The following LSAMP variants were observed in gnomAD, a reference collection of about 807,000 sequenced individuals.
LSAMP encodes limbic system-associated membrane protein.
Under a neutral mutation model 38.6 loss-of-function variants are expected in LSAMP, and 7 were observed. That is an observed-to-expected ratio of 0.18 (90% CI 0.10 to 0.34). The LOEUF (loss-of-function observed/expected upper bound fraction) is 0.34. Ranked by LOEUF, LSAMP falls within the 10% of genes least tolerant of loss-of-function variation. The pLI is 1.00. For missense variants in LSAMP, 313 were observed against 420.0 expected (o/e 0.75, Z 2.23); for synonymous variants, 154 against 166.8 (o/e 0.92, Z 0.59).
At chr3:116,437,171 A>G (rs796203469) in intron 1 of LSAMP, among the ~76,000 whole-genome samples, 9 of 152,102 alleles carry the variant, frequency 5.9e-5, no homozygotes, top group African/African-American at 2.2e-4. Context: ...ATGTAAAACC[A>G]AACATCATAT....
At chr3:116,249,374 T>C (rs2046648589) in intron 1 of LSAMP, among the ~76,000 whole-genome samples, 1 of 132,444 alleles carries the variant, frequency 7.6e-6, no homozygotes, top group Non-Finnish European at 1.6e-5. Flanking sequence ...CTTTGGAGAC[T>C]AGTAGAAGAT....
chr3:116,001,985 G>A (rs78948822), intron 3 of LSAMP, among the ~76,000 whole-genome samples: 1,527 of 152,148 alleles, frequency 0.01, 28 homozygotes, highest in African/African-American at 0.035. Context: ...TCCTCTTAAC[G>A]AACTTTTCAT....
intron 3 of LSAMP, among the ~76,000 whole-genome samples, chr3:115,879,574 A>G (rs1936270366): frequency 6.6e-6 from 1 of 152,212 alleles, no homozygotes; most frequent in Admixed American, 6.5e-5. Context: ...ACATATCATT[A>G]GTGCCTATAA....
chr3:116,228,073 T>C (rs2107624133), intron 1 of LSAMP, among the ~76,000 whole-genome samples: 1 of 152,216 alleles, frequency 6.6e-6, no homozygotes, highest in East Asian at 1.9e-4. Flanking sequence ...CTTTGCCTTC[T>C]AATGGGAGAG....
intron 1 of LSAMP, among the ~76,000 whole-genome samples, chr3:116,095,723 C>T (rs1256315639): frequency 2.0e-5 from 3 of 152,168 alleles, no homozygotes; most frequent in Admixed American, 1.3e-4. Context: ...ATCCCAGGAA[C>T]ATTTATTAGT....
intron 1 of LSAMP, among the ~76,000 whole-genome samples, chr3:116,176,842 T>C (rs970933463): frequency 2.0e-5 from 3 of 152,164 alleles, no homozygotes; most frequent in African/African-American, 4.8e-5. Context: ...GAGCATTAAA[T>C]AAAATGAGAA....
chr3:116,050,707 T>C (rs1209433348), intron 2 of LSAMP, among the ~76,000 whole-genome samples: 3 of 152,272 alleles, frequency 2.0e-5, no homozygotes, highest in East Asian at 1.9e-4. Context: ...AATAAAAGGT[T>C]TGGAGTCAGC....
At chr3:116,094,872 C>G (rs1249995257) in intron 1 of LSAMP, among the ~76,000 whole-genome samples, 1 of 152,184 alleles carries the variant, frequency 6.6e-6, no homozygotes, top group Non-Finnish European at 1.5e-5. Flanking sequence ...ACCTGTTCAA[C>G]CTCTTAGAAC....
chr3:115,940,778 A>G (rs78432697), intron 3 of LSAMP, among the ~76,000 whole-genome samples: 3,608 of 152,242 alleles, frequency 0.024, 72 homozygotes, highest in Non-Finnish European at 0.036. Flanking sequence ...GTCTGCTTTC[A>G]TGCCAGTATT....
chr3:116,233,206 G>T (rs1408769541), intron 1 of LSAMP, among the ~76,000 whole-genome samples: 1 of 151,920 alleles, frequency 6.6e-6, no homozygotes, highest in Admixed American at 6.6e-5. Flanking sequence ...AAGGTCAGGA[G>T]ATCGAGACCA....
chr3:116,209,899 C>T lies in LSAMP; in HGVS notation c.156-123343G>A, dbSNP rs191418130. Among the ~76,000 whole-genome samples the T allele has an allele frequency of 7.2e-4, 110 of 152,096 alleles. No individual in the cohort carries two copies. In the East Asian group the frequency reaches 0.017, roughly 24 times the overall value. ...CCGAGTAGCTGGGACTACAGGCATC[C>T]GCCACCTCGCCCGGCAAAATTTTTT... is the stretch of plus-strand genomic sequence containing the variant. On this transcript the variant is annotated intron_variant, in intron 1 of 6. Coordinates refer to ENST00000490035, the MANE Select transcript of LSAMP (RefSeq NM_002338.5).
At chr3:116,047,651 G>C (rs895988335) in intron 2 of LSAMP, among the ~76,000 whole-genome samples, 1 of 152,048 alleles carries the variant, frequency 6.6e-6, no homozygotes, top group African/African-American at 2.4e-5. Flanking sequence ...TTCCTCCTCA[G>C]TGAAATCTTC....
chr3:115,888,651 T>C (rs531081017), intron 3 of LSAMP, among the ~76,000 whole-genome samples: 7 of 152,082 alleles, frequency 4.6e-5, no homozygotes, highest in Admixed American at 1.3e-4. Context: ...TCCACACTTA[T>C]TGCTTGGTCT....
chr3:116,150,963 G>T (rs1179406287), intron 1 of LSAMP, among the ~76,000 whole-genome samples: 1 of 151,934 alleles, frequency 6.6e-6, no homozygotes, highest in African/African-American at 2.4e-5. Flanking sequence ...TTCCCAGGTG[G>T]TGCCTTACTG....
intron 3 of LSAMP, among the ~76,000 whole-genome samples, chr3:115,853,306 C>T (rs1402043762): frequency 9.2e-5 from 14 of 152,178 alleles, no homozygotes; most frequent in Non-Finnish European, 4.4e-5. Context: ...CTACATCATC[C>T]TAGAGGCTTT....
chr3:115,922,590 T>G (rs1937407958), intron 3 of LSAMP, among the ~76,000 whole-genome samples: 1 of 152,198 alleles, frequency 6.6e-6, no homozygotes, highest in Admixed American at 6.5e-5. Flanking sequence ...GTTTCTTTCC[T>G]TGGGCCATGT....
intron 2 of LSAMP, among the ~76,000 whole-genome samples, chr3:116,057,042 A>G (rs994420777): frequency 2.0e-5 from 3 of 152,160 alleles, no homozygotes; most frequent in African/African-American, 7.2e-5. Context: ...TATATCATTT[A>G]CCCAAAGCCT....
At chr3:116,416,596 G>A (rs2049053898) in intron 1 of LSAMP, among the ~76,000 whole-genome samples, 1 of 152,112 alleles carries the variant, frequency 6.6e-6, no homozygotes, top group Admixed American at 6.6e-5. Flanking sequence ...CTTTTGGAAT[G>A]CTCCTTTCCT....
chr3:116,221,127 T>C (rs1457260640), intron 1 of LSAMP, among the ~76,000 whole-genome samples: 4 of 111,588 alleles, frequency 3.6e-5, no homozygotes, highest in Non-Finnish European at 6.6e-5. Flanking sequence ...CTCCAGCCTG[T>C]GTGACAGAGC....
Sources: allele counts gnomAD v4.1 joint callset (sites outside exome capture counted in the v4.1 genomes callset), GRCh38; gene constraint gnomAD v4.1.1; transcripts MANE v1.5; gene names NCBI Gene and HGNC (gene_info 2026-07-23, HGNC 2026-07-21).